NXPH2: variants seen among roughly 807,000 people sequenced by gnomAD.
NXPH2 encodes neurexophilin 2, also known as neurexophilin-2.
Under a neutral mutation model 19.8 loss-of-function variants are expected in NXPH2, and 5 were observed. That is an observed-to-expected ratio of 0.25 (90% CI 0.13 to 0.53). NXPH2 has a LOEUF of 0.53. Among genes scored for constraint, NXPH2 ranks in the 20% least tolerant of loss-of-function variants. NXPH2 has a pLI of 0.96. For missense variants in NXPH2, 289 were observed against 322.8 expected, an observed-to-expected ratio of 0.90 and a Z score of 0.80; for synonymous variants, 154 against 127.4, an observed-to-expected ratio of 1.21 and a Z score of -1.41.
At chr2:138,777,366 T>A (rs1378419310) in intron 1 of NXPH2, among the ~76,000 whole-genome samples, 1 of 152,104 alleles carries the variant, frequency 6.6e-6, no homozygotes, top group East Asian at 1.9e-4. Flanking sequence ...GATATTTAAA[T>A]CTTGCAAATA....
chr2:138,711,145 C>CTTTTT (rs397766605), intron 1 of NXPH2, among the ~76,000 whole-genome samples: 5 of 91,090 alleles, frequency 5.5e-5, no homozygotes, highest in South Asian at 4.6e-4. Context: ...ATTTCTATCA[C>CTTTTT]TTTTTTTTTT....
intron 1 of NXPH2, among the ~76,000 whole-genome samples, chr2:138,756,042 T>C (rs186371533): frequency 1.3e-5 from 2 of 152,140 alleles, no homozygotes; most frequent in East Asian, 3.9e-4. Flanking sequence ...CATACTCACT[T>C]ATTCATTCCA....
intron 1 of NXPH2, among the ~76,000 whole-genome samples, chr2:138,770,560 A>G (rs570020104): frequency 6.6e-6 from 1 of 152,060 alleles, no homozygotes; most frequent in Non-Finnish European, 1.5e-5. Flanking sequence ...AGATGATATG[A>G]TTGTCTAGAC....
chr2:138,716,412 C>G (rs1681195827), intron 1 of NXPH2, among the ~76,000 whole-genome samples: 1 of 152,140 alleles, frequency 6.6e-6, no homozygotes, highest in African/African-American at 2.4e-5. Context: ...CAATGTGAGG[C>G]CTCATTGAGA....
At chr2:138,732,558 T>C (rs1456918503) in intron 1 of NXPH2, among the ~76,000 whole-genome samples, 1 of 152,198 alleles carries the variant, frequency 6.6e-6, no homozygotes, top group Non-Finnish European at 1.5e-5. Context: ...GCATGTTGGC[T>C]GAGGCTTCAT....
At chr2:138,775,247 A>G (rs1323766182) in intron 1 of NXPH2, among the ~76,000 whole-genome samples, 1 of 152,170 alleles carries the variant, frequency 6.6e-6, no homozygotes, top group African/African-American at 2.4e-5. Context: ...TTATATACCA[A>G]TCTTACAGCA....
chr2:138,739,493 G>T (rs111251422), intron 1 of NXPH2, among the ~76,000 whole-genome samples: 3,325 of 152,290 alleles, frequency 0.022, 99 homozygotes, highest in African/African-American at 0.072. Context: ...GCTGTGGAGG[G>T]TGTAGAACAG....
chr2:138,720,668 G>A (rs565266526), intron 1 of NXPH2, among the ~76,000 whole-genome samples: 42 of 152,322 alleles, frequency 2.8e-4, no homozygotes, highest in African/African-American at 9.4e-4. Context: ...GAGGAGCCAC[G>A]GCAGCACAGG....
chr2:138,730,912 G>T (rs1222381751), intron 1 of NXPH2, among the ~76,000 whole-genome samples: 1 of 152,076 alleles, frequency 6.6e-6, no homozygotes, highest in Non-Finnish European at 1.5e-5. Flanking sequence ...ACCATCTCGG[G>T]TCTTCACAGA....
At chr2:138,742,374 G>T (rs911423593) in intron 1 of NXPH2, among the ~76,000 whole-genome samples, 2 of 152,100 alleles carry the variant, frequency 1.3e-5, no homozygotes. Flanking sequence ...TTGGAAATAC[G>T]CCCTGGAACT....
At chr2:138,692,847 A>G (rs1378150808) in intron 1 of NXPH2, among the ~76,000 whole-genome samples, 1 of 152,172 alleles carries the variant, frequency 6.6e-6, no homozygotes, top group Non-Finnish European at 1.5e-5. Context: ...TCACTCCTCA[A>G]TTCATCACTA....
intron 1 of NXPH2, among the ~76,000 whole-genome samples, chr2:138,724,075 A>G (rs1681320081): frequency 6.6e-6 from 1 of 151,546 alleles, no homozygotes; most frequent in Non-Finnish European, 1.5e-5. Flanking sequence ...ATTTTTCCTG[A>G]TCCTCTTCCT....
intron 1 of NXPH2, among the ~76,000 whole-genome samples, chr2:138,732,288 A>G (rs888879645): frequency 2.0e-5 from 3 of 152,198 alleles, no homozygotes; most frequent in Admixed American, 2.0e-4. Flanking sequence ...TGGCCTATGG[A>G]AAGTCATAGA....
At chr2:138,775,008 A>G (rs1389745243) in intron 1 of NXPH2, among the ~76,000 whole-genome samples, 1 of 152,000 alleles carries the variant, frequency 6.6e-6, no homozygotes, top group East Asian at 1.9e-4. Flanking sequence ...GTTTAAGTTT[A>G]TAAAATGTCT....
chr2:138,680,609 A>G (rs68138418), intron 1 of NXPH2, among the ~76,000 whole-genome samples: 1 of 151,906 alleles, frequency 6.6e-6, no homozygotes, highest in Admixed American at 6.6e-5. Context: ...CTCTCTCTCT[A>G]TATATATATA....
chr2:138,714,736 T>A (rs1681163563), intron 1 of NXPH2, among the ~76,000 whole-genome samples: 1 of 152,232 alleles, frequency 6.6e-6, no homozygotes, highest in South Asian at 2.1e-4. Flanking sequence ...TATACCAAAT[T>A]ATCTAATTTG....
At chr2:138,680,615 A>G (rs1267579829) in intron 1 of NXPH2, among the ~76,000 whole-genome samples, 1 of 152,140 alleles carries the variant, frequency 6.6e-6, no homozygotes. Context: ...CTCTATATAT[A>G]TATACATCTC....
intron 1 of NXPH2, among the ~76,000 whole-genome samples, chr2:138,689,665 G>T (rs1033734003): frequency 6.6e-6 from 1 of 152,164 alleles, no homozygotes; most frequent in African/African-American, 2.4e-5. Context: ...TCACTGTACT[G>T]TATTTGGCTT....
rs112338467 is a variant in NXPH2, at chr2:138,692,559, GA to G, written c.52-20895del. Among the ~76,000 whole-genome samples, 263 of 152,290 alleles carry G rather than the reference GA, an allele frequency of 1.7e-3. 1 individual carries two copies. The highest frequency in any genetic ancestry group is 6.1e-3 in the African/African-American group (254 of 41,558). On this transcript the variant is annotated intron_variant, in intron 1 of 1. Transcript: ENST00000272641. ...TTAATCCTAAATGTCCGCTGAAGAT[GA>G]AAATGATGGAGCAAGTATTGTTAAT...
Sources: gnomAD v4.1 joint callset for allele counts (sites outside exome capture counted in the v4.1 genomes callset) on GRCh38, gnomAD v4.1.1 for gene constraint, MANE v1.5 for transcripts, NCBI Gene and HGNC (gene_info 2026-07-23, HGNC 2026-07-21) for gene names.